The following GLRA3 variants were observed in gnomAD, a reference collection of about 807,000 sequenced individuals.
The protein encoded by GLRA3 is glycine receptor alpha 3, also known as glycine receptor subunit alpha-3.
In GLRA3, 44 loss-of-function variants were observed where a neutral mutation model predicts 60.4. The ratio of observed to expected loss-of-function variants is 0.73; its 90% confidence interval spans 0.57 to 0.94. The LOEUF (loss-of-function observed/expected upper bound fraction) is 0.94. Ranked by LOEUF, GLRA3 falls within the 40% of genes least tolerant of loss-of-function variation. The probability of loss-of-function intolerance (pLI) is 0.00; values close to 1 mark genes in which losing one functional copy is unlikely to be tolerated. For synonymous variants in GLRA3, 223 were observed against 192.9 expected, an observed-to-expected ratio of 1.16 and a Z score of -1.29; for missense variants, 508 against 564.6, an observed-to-expected ratio of 0.90 and a Z score of 1.02.
intron 5 of GLRA3, among the ~76,000 whole-genome samples, chr4:174,691,693 G>A (rs1342906202): frequency 1.3e-5 from 2 of 152,318 alleles, no homozygotes; most frequent in East Asian, 3.9e-4. Flanking sequence ...TTCACTCAGT[G>A]CTCAATGGTG....
chr4:174,650,881 G>T (rs1272597766), intron 9 of GLRA3, among the ~76,000 whole-genome samples: 3 of 152,160 alleles, frequency 2.0e-5, no homozygotes, highest in Non-Finnish European at 2.9e-5. Context: ...GTGAGAGCTT[G>T]TCCTGAGTAT....
chr4:174,675,119 A>G (rs1324032003), intron 7 of GLRA3, among the ~76,000 whole-genome samples: 1 of 152,050 alleles, frequency 6.6e-6, no homozygotes, highest in Non-Finnish European at 1.5e-5. Flanking sequence ...TTCTCAATCA[A>G]TTCCTTTTGT....
intron 2 of GLRA3, among the ~76,000 whole-genome samples, chr4:174,767,439 CAT>C (rs2111239055): frequency 6.6e-6 from 1 of 151,980 alleles, no homozygotes; most frequent in South Asian, 2.1e-4. Context: ...CTTTAGGTAA[CAT>C]AAAGTGGCAA....
intron 2 of GLRA3, among the ~76,000 whole-genome samples, chr4:174,770,136 C>G (rs938779466): frequency 6.6e-6 from 1 of 152,056 alleles, no homozygotes; most frequent in Non-Finnish European, 1.5e-5. Context: ...CTCTAGATGG[C>G]TATTTATCTT....
intron 7 of GLRA3, among the ~76,000 whole-genome samples, chr4:174,661,163 T>TCA (rs1004856082): frequency 2.4e-4 from 36 of 150,594 alleles, no homozygotes; most frequent in South Asian, 6.3e-4. Flanking sequence ...GAGCTAGCAA[T>TCA]CACACACACA....
At chr4:174,661,264 T>C (rs764470467) in intron 7 of GLRA3, among the ~76,000 whole-genome samples, 38 of 152,294 alleles carry the variant, frequency 2.5e-4, no homozygotes, top group Non-Finnish European at 5.3e-4. Flanking sequence ...AACATGAGCT[T>C]ACATTACATC....
At chr4:174,736,128 A>G (rs1265875634) in intron 3 of GLRA3, among the ~76,000 whole-genome samples, 4 of 152,200 alleles carry the variant, frequency 2.6e-5, no homozygotes, top group Non-Finnish European at 5.9e-5. Context: ...TAAGAGTGTC[A>G]TAGAATCATA....
chr4:174,734,029 T>TG (rs1736671291), intron 3 of GLRA3, among the ~76,000 whole-genome samples: 2 of 152,106 alleles, frequency 1.3e-5, no homozygotes, highest in Non-Finnish European at 2.9e-5. Context: ...CTTTTTTTTT[T>TG]GGCCGGTAAT....
intron 1 of GLRA3, among the ~76,000 whole-genome samples, chr4:174,826,982 C>A (rs1740996997): frequency 6.6e-6 from 1 of 150,536 alleles, no homozygotes; most frequent in African/African-American, 2.4e-5. Flanking sequence ...TGATAACCTA[C>A]TCTCATCTAA....
At chr4:174,769,334 T>C (rs986214116) in intron 2 of GLRA3, among the ~76,000 whole-genome samples, 1 of 152,072 alleles carries the variant, frequency 6.6e-6, no homozygotes, top group African/African-American at 2.4e-5. Flanking sequence ...CAATATTCAC[T>C]TTTTACATTA....
Position 174,643,793 on chromosome 4 carries a change from TG to T in GLRA3, c.1387del (p.Gln463LysfsTer22). On this transcript the variant is annotated frameshift_variant, in exon 10 of 10. Transcript: ENST00000274093. LOFTEE classifies it high-confidence loss of function. ...ILRHEDIHQQ[Q>X]D ...TTGCATGCCCCCAGAGACTTAATCT[TG>T]CTGCTGATGAATATCCTCATGCCTA... The T allele has an allele frequency of 6.2e-7, 1 of 1,611,620 alleles. No homozygotes were observed.
intron 1 of GLRA3, among the ~76,000 whole-genome samples, chr4:174,807,448 A>T (rs1275440124): frequency 1.3e-5 from 2 of 152,102 alleles, no homozygotes; most frequent in Non-Finnish European, 2.9e-5. Context: ...TTTCTGGGAG[A>T]TGAAAAAGAA....
chr4:174,698,150 G>A (rs1446806608), intron 5 of GLRA3, among the ~76,000 whole-genome samples: 1 of 151,990 alleles, frequency 6.6e-6, no homozygotes, highest in African/African-American at 2.4e-5. Flanking sequence ...GAATAGTAAG[G>A]CAATAATGCT....
intron 1 of GLRA3, among the ~76,000 whole-genome samples, chr4:174,825,267 T>G (rs572974660): frequency 3.3e-5 from 5 of 152,174 alleles, no homozygotes; most frequent in Admixed American, 3.3e-4. Flanking sequence ...TTCAATATCT[T>G]ACATAGAAAA....
intron 7 of GLRA3, among the ~76,000 whole-genome samples, chr4:174,671,394 T>A (rs1048050558): frequency 6.6e-6 from 1 of 152,026 alleles, no homozygotes; most frequent in South Asian, 2.1e-4. Flanking sequence ...GGTTTTTTTT[T>A]AGAAGAATAA....
intron 5 of GLRA3, among the ~76,000 whole-genome samples, chr4:174,684,156 T>C (rs1046490160): frequency 7.3e-5 from 11 of 151,406 alleles, no homozygotes; most frequent in Non-Finnish European, 1.5e-4. Flanking sequence ...TTCTTTTCTC[T>C]TTGGAACATC....
intron 3 of GLRA3, 23 bp from the exon 4 acceptor site, chr4:174,728,721 A>G: frequency 7.3e-7 from 1 of 1,372,436 alleles, no homozygotes; most frequent in Non-Finnish European, 9.9e-7. Context: ...AATGAAAGAA[A>G]GAAAAAAAAA....
At chr4:174,758,476 AGG>A (rs1737810844) in intron 3 of GLRA3, among the ~76,000 whole-genome samples, 1 of 152,162 alleles carries the variant, frequency 6.6e-6, no homozygotes, top group Admixed American at 6.5e-5. Context: ...ACTAATACTC[AGG>A]TTGAGGTTAT....
intron 1 of GLRA3, among the ~76,000 whole-genome samples, chr4:174,822,383 G>A (rs1415336823): frequency 1.3e-5 from 2 of 152,068 alleles, no homozygotes; most frequent in African/African-American, 4.8e-5. Flanking sequence ...CATAAGTGGA[G>A]AAAATCCCCA....
Sources: gnomAD v4.1 joint callset for allele counts (sites outside exome capture counted in the v4.1 genomes callset) on GRCh38, gnomAD v4.1.1 for gene constraint, MANE v1.5 for transcripts, NCBI Gene and HGNC (gene_info 2026-07-23, HGNC 2026-07-21) for gene names.